Variants in TTC29 observed in about 807,000 individuals in gnomAD.
TTC29 encodes the protein tetratricopeptide repeat protein 29.
TTC29 carries 49 observed loss-of-function variants against 58.1 expected under a neutral mutation model. The ratio of observed to expected loss-of-function variants is 0.84; its 90% confidence interval spans 0.67 to 1.07. The LOEUF (loss-of-function observed/expected upper bound fraction) is 1.07, where lower values mean the gene tolerates loss of function less well. Among genes scored for constraint, TTC29 ranks in the 50% least tolerant of loss-of-function variants. The pLI is 0.00. For synonymous variants in TTC29, 209 were observed against 196.8 expected, an observed-to-expected ratio of 1.06 and a Z score of -0.52; for missense variants, 582 against 555.6, an observed-to-expected ratio of 1.05 and a Z score of -0.48.
intron 11 of TTC29, among the ~76,000 whole-genome samples, chr4:146,783,352 T>G (rs968013078): frequency 6.6e-6 from 1 of 151,824 alleles, no homozygotes; most frequent in African/African-American, 2.4e-5. Flanking sequence ...TTTTTTTTTT[T>G]ATGAATGAAA....
In TTC29 at chr4:146,868,041, C is replaced by G. The variant is rs535581289; in HGVS notation, c.800-458G>C. ...CTTAAATGGTGCACAAACATTCATACTCAATCACATGGACTGACATTCAGC... is the reference window on the plus strand; with the variant it reads ...CTTAAATGGTGCACAAACATTCATAGTCAATCACATGGACTGACATTCAGC... On this transcript the variant is annotated intron_variant, in intron 7 of 12. Transcript: ENST00000325106. Among the ~76,000 whole-genome samples the G allele has an allele frequency of 1.6e-4, 24 of 152,242 alleles. 1 individual carries two copies. Among genetic ancestry groups the G allele is most frequent in the Non-Finnish European group, 2.4e-4 (16 of 68,018 alleles).
In TTC29 at chr4:146,807,966, T is replaced by G. The variant is rs568028027; in HGVS notation, c.1102-4281A>C. On this transcript the variant is annotated intron_variant, in intron 10 of 12. Transcript: ENST00000325106. Reference sequence around the variant, plus strand: ...GAAAATTTCAGGCCAATATCCCTGATGAACATTGATGCAAAAATCCTCAAT... The same window carrying G: ...GAAAATTTCAGGCCAATATCCCTGAGGAACATTGATGCAAAAATCCTCAAT... Among the ~76,000 whole-genome samples the G allele has an allele frequency of 3.3e-5, 5 of 152,282 alleles. No homozygotes were observed. In the East Asian group the frequency reaches 9.6e-4, roughly 29 times the overall value.
chr4:146,853,450 T>C (rs961083912), intron 8 of TTC29, among the ~76,000 whole-genome samples: 5 of 152,204 alleles, frequency 3.3e-5, no homozygotes, highest in Non-Finnish European at 7.4e-5. Flanking sequence ...GTAATTTTTA[T>C]TGGCTGCATT....
chr4:146,846,045 C>A (rs559804233), intron 8 of TTC29, among the ~76,000 whole-genome samples: 3 of 152,036 alleles, frequency 2.0e-5, no homozygotes, highest in Admixed American at 6.5e-5. Flanking sequence ...ACTAGTAGTA[C>A]CTGTAGAAAC....
At chr4:146,742,228 C>T (rs566574695) in intron 11 of TTC29, among the ~76,000 whole-genome samples, 13 of 152,244 alleles carry the variant, frequency 8.5e-5, no homozygotes, top group African/African-American at 3.1e-4. Flanking sequence ...GGACATGAGG[C>T]TCTTGGATGG....
intron 11 of TTC29, among the ~76,000 whole-genome samples, chr4:146,773,765 T>A (rs776982468): frequency 1.3e-5 from 2 of 151,854 alleles, no homozygotes; most frequent in Non-Finnish European, 2.9e-5. Context: ...AATGAATAAG[T>A]GAGGAGTTCC....
intron 8 of TTC29, among the ~76,000 whole-genome samples, chr4:146,840,771 C>G (rs187891231): frequency 6.6e-6 from 1 of 152,164 alleles, no homozygotes; most frequent in East Asian, 1.9e-4. Context: ...TATAAGAACT[C>G]TATAATAACT....
rs142714015 is a variant in TTC29 at position 146,810,313 on chromosome 4, T to C, written c.1102-6628A>G. Among the ~76,000 whole-genome samples, 878 of 152,182 alleles carry C rather than the reference T, an allele frequency of 5.8e-3. 4 individuals are homozygous for C. The highest frequency in any genetic ancestry group is 9.0e-3 in the Non-Finnish European group (609 of 67,998). ...AGAAATACCTAATATAGATGACAGG[T>C]TGATGGGTGCAGCAAACCACCATGG... is the stretch of plus-strand genomic sequence containing the variant. On this transcript the variant is annotated intron_variant, in intron 10 of 12. Transcript: ENST00000325106.
chr4:146,921,331 C>T (rs921086496), intron 4 of TTC29, among the ~76,000 whole-genome samples: 2 of 151,124 alleles, frequency 1.3e-5, no homozygotes, highest in Non-Finnish European at 3.0e-5. Context: ...GGAATTAGTA[C>T]ATACAAAAGT....
At chr4:146,725,440 G>A (rs1449619623) in intron 11 of TTC29, among the ~76,000 whole-genome samples, 1 of 152,162 alleles carries the variant, frequency 6.6e-6, no homozygotes, top group African/African-American at 2.4e-5. Context: ...GGAGGCTGAG[G>A]TGGGAAGATT....
intron 8 of TTC29, among the ~76,000 whole-genome samples, chr4:146,842,721 A>C (rs1255737937): frequency 6.6e-6 from 1 of 152,152 alleles, no homozygotes; most frequent in African/African-American, 2.4e-5. Context: ...TGTGTTATAC[A>C]TCCCCTACAC....
chr4:146,862,849 G>A (rs1001040502), intron 8 of TTC29, among the ~76,000 whole-genome samples: 12 of 152,154 alleles, frequency 7.9e-5, no homozygotes, highest in Admixed American at 4.6e-4. Flanking sequence ...TGGGCCAGGC[G>A]TGGTGGCTCA....
At chr4:146,768,004 A>G (rs1355810736) in intron 11 of TTC29, among the ~76,000 whole-genome samples, 4 of 152,058 alleles carry the variant, frequency 2.6e-5, no homozygotes, top group African/African-American at 9.7e-5. Flanking sequence ...GAACATATAT[A>G]TTATAGCTGC....
Position 146,909,449 on chromosome 4 carries a change from T to C in TTC29, c.177-200A>G, listed in dbSNP as rs569720350. On this transcript the variant is annotated intron_variant, in intron 4 of 12. Coordinates refer to ENST00000325106, the MANE Select transcript of TTC29 (RefSeq NM_031956.4). ...TTAATGAAAGATGCCAGGAGCTATC[T>C]AAACACAGTAATTTTAATGAAATTA... Among the ~76,000 whole-genome samples the C allele has an allele frequency of 1.4e-4, 21 of 152,294 alleles. 1 individual carries two copies. The South Asian group carries it at 4.4e-3, about 32-fold the overall frequency.
At chr4:146,728,819 A>G (rs1486686922) in intron 11 of TTC29, among the ~76,000 whole-genome samples, 1 of 117,068 alleles carries the variant, frequency 8.5e-6, no homozygotes, top group Admixed American at 9.2e-5. Flanking sequence ...ATATATGTGT[A>G]TATATACATA....
intron 11 of TTC29, among the ~76,000 whole-genome samples, chr4:146,785,947 A>AATAT (rs57449543): frequency 2.0e-5 from 3 of 150,250 alleles, no homozygotes; most frequent in South Asian, 2.1e-4. Context: ...GTTATTAAAG[A>AATAT]ATATATATAT....
At chr4:146,934,629 ACCTAGGACCCAGC>A (rs1735629742) in intron 4 of TTC29, among the ~76,000 whole-genome samples, 2 of 152,092 alleles carry the variant, frequency 1.3e-5, no homozygotes, top group Admixed American at 6.6e-5. Context: ...GCTGAAGTGC[ACCTAGGACCCAGC>A]CTTTGGGCAC....
intron 11 of TTC29, among the ~76,000 whole-genome samples, chr4:146,725,263 G>GA (rs1243811550): frequency 6.6e-6 from 1 of 152,186 alleles, no homozygotes; most frequent in Non-Finnish European, 1.5e-5. Flanking sequence ...GGCCAGACTG[G>GA]TAGATCACAC....
chr4:146,891,481 A>G (rs1732359911), intron 6 of TTC29, among the ~76,000 whole-genome samples: 1 of 152,098 alleles, frequency 6.6e-6, no homozygotes, highest in Admixed American at 6.6e-5. Flanking sequence ...CAGAATTCTC[A>G]TAGGAATATT....
Sources: allele counts gnomAD v4.1 joint callset (sites outside exome capture counted in the v4.1 genomes callset), GRCh38; gene constraint gnomAD v4.1.1; transcripts MANE v1.5; gene names NCBI Gene and HGNC (gene_info 2026-07-23, HGNC 2026-07-21).